ZNF432: variants seen among roughly 807,000 people sequenced by gnomAD.
ZNF432 encodes the protein zinc finger protein 432.
Under a neutral mutation model 13.9 loss-of-function variants are expected in ZNF432, and 10 were observed. That is an observed-to-expected ratio of 0.72 (90% CI 0.44 to 1.22). The LOEUF is 1.22. Ranked by LOEUF, ZNF432 falls within the 50% of genes most tolerant of loss-of-function variation. ZNF432 has a pLI of 0.00. For missense variants in ZNF432, 793 were observed against 796.2 expected, an observed-to-expected ratio of 1.00 and a Z score of 0.05; for synonymous variants, 247 against 256.2, an observed-to-expected ratio of 0.96 and a Z score of 0.34.
intron 4 of ZNF432, among the ~76,000 whole-genome samples, chr19:52,037,006 A>G (rs989874294): frequency 6.6e-6 from 1 of 152,226 alleles, no homozygotes; most frequent in Admixed American, 6.5e-5. Context: ...AGAATGAAAG[A>G]TGAAGGTACA....
At chr19:52,043,518 G>GA in intron 2 of ZNF432, among the ~76,000 whole-genome samples, 1 of 152,050 alleles carries the variant, frequency 6.6e-6, no homozygotes, top group South Asian at 2.1e-4. Context: ...CGTGGGAAGG[G>GA]AAAGACCTGA....
At position 52,035,204 on chromosome 19, in the gene ZNF432, T is replaced by C. The variant is rs773778911; in HGVS notation, c.475A>G (p.Ser159Gly). The change falls in exon 5 of 5, where the codon AGT becomes GGT. Residue 159 changes from serine to glycine, a missense_variant. By Grantham distance (56) the Ser-to-Gly change is moderately conservative. Transcript: ENST00000221315. ...SCEINNSTKFSGDGKSFLHGN... is the reference protein window; with the variant it reads ...SCEINNSTKFGGDGKSFLHGN... ...TGAAGAAATGATTTCCCATCTCCAC[T>C]AAATTTAGTAGAGTTGTTAATTTCA... 1.2e-6 allele frequency: 2 copies of C among 1,611,692 alleles called. No homozygotes were observed. The highest frequency in any genetic ancestry group is 2.2e-5 in the South Asian group (2 of 90,132).
At chr19:52,040,814 A>G (rs775901302) in intron 3 of ZNF432, among the ~76,000 whole-genome samples, 2 of 152,116 alleles carry the variant, frequency 1.3e-5, no homozygotes, top group African/African-American at 2.4e-5. Context: ...AAATACAATA[A>G]TAAAAAAAAA....
chr19:52,043,051 A>T, intron 2 of ZNF432, among the ~76,000 whole-genome samples: 1 of 152,174 alleles, frequency 6.6e-6, no homozygotes, highest in Non-Finnish European at 1.5e-5. Context: ...TTGTCAACTA[A>T]ACTGCCACTC....
intron 4 of ZNF432, among the ~76,000 whole-genome samples, chr19:52,037,789 T>TAA (rs74391730): frequency 0.17 from 19,519 of 111,700 alleles, 1,776 homozygotes; most frequent in East Asian, 0.38. Flanking sequence ...GACTCTACCT[T>TAA]AAAAAAAAAA....
chr19:52,033,751 T>A lies in ZNF432; in HGVS notation c.1928A>T (p.His643Leu), dbSNP rs138563719. 4.4e-6 allele frequency: 7 copies of A among 1,602,162 alleles called. No individual in the cohort carries two copies. The highest frequency in any genetic ancestry group is 6.0e-6 in the Non-Finnish European group (7 of 1,175,492). Residue 643 changes from histidine to leucine, a missense_variant, in exon 5 of 5, where the codon CAT becomes CTT. Physicochemically the swap from His to Leu is moderately conservative, Grantham distance 99. Transcript: ENST00000221315. ...AFSSKRNLIV[H>L]QRTHNGNKP ...TTTGTTTCCATTATGAGTTCGCTGATGTACAATGAGATTTCTCTTTGAGGA... is the reference window on the plus strand; with the variant it reads ...TTTGTTTCCATTATGAGTTCGCTGAAGTACAATGAGATTTCTCTTTGAGGA...
At chr19:52,048,403 G>A (rs1883592479) in intron 1 of ZNF432, 1 of 152,192 alleles carries the variant, frequency 6.6e-6, no homozygotes, top group Non-Finnish European at 1.5e-5. Flanking sequence ...CAATCACTGA[G>A]CCCCACTGGG....
chr19:52,048,169 A>ACACACACG (rs1568525349), intron 1 of ZNF432, among the ~76,000 whole-genome samples: 9 of 150,354 alleles, frequency 6.0e-5, no homozygotes, highest in Non-Finnish European at 1.5e-5. Context: ...ACACACACAC[A>ACACACACG]CACACACACA....
chr19:52,040,873 G>C (rs2087128974), intron 3 of ZNF432, among the ~76,000 whole-genome samples: 1 of 151,436 alleles, frequency 6.6e-6, no homozygotes, highest in Non-Finnish European at 1.5e-5. Flanking sequence ...ATGGGAGGCT[G>C]ACATGAAACC....
At chr19:52,042,797 C>G (rs2087147950) in intron 2 of ZNF432, among the ~76,000 whole-genome samples, 1 of 152,146 alleles carries the variant, frequency 6.6e-6, no homozygotes, top group East Asian at 1.9e-4. Flanking sequence ...CATCTAGACA[C>G]ATCAGACTGA....
At position 52,033,790 on chromosome 19, in the gene ZNF432, C is replaced by T. The variant is rs1266101433; in HGVS notation, c.1889G>A (p.Cys630Tyr). Reference sequence around the variant, plus strand: ...TCTCTTTGAGGAGAAGGCTTTTCTACATTCACTGCATACAAAGGGTTTCTC... The same window carrying T: ...TCTCTTTGAGGAGAAGGCTTTTCTATATTCACTGCATACAAAGGGTTTCTC... ...TGEKPFVCSE[C>Y]RKAFSSKRNL... Residue 630 changes from cysteine (C) to tyrosine (Y), a missense_variant, in exon 5 of 5, where the codon TGT becomes TAT. Transcript: ENST00000221315. 6.2e-7 allele frequency: 1 copy of T among 1,610,270 alleles called. No homozygotes were observed.
At chr19:52,037,876 T>C (rs763775911) in intron 4 of ZNF432, among the ~76,000 whole-genome samples, 3 of 151,416 alleles carry the variant, frequency 2.0e-5, no homozygotes, top group Non-Finnish European at 2.9e-5. Flanking sequence ...ACCAATAACA[T>C]CTACTTCAGT....
chr19:52,046,813 A>G, intron 2 of ZNF432, 41 bp downstream of exon 2: 1 of 1,600,934 alleles, frequency 6.2e-7, no homozygotes, highest in Non-Finnish European at 8.5e-7. Flanking sequence ...CTACAAATCC[A>G]CTATGGAATA....
Position 52,046,956 on chromosome 19 carries a change from C to A in ZNF432, c.-88G>T. On this transcript the variant is annotated 5_prime_UTR_variant, in exon 2 of 5. Transcript: ENST00000221315. ...GCCTTAAATTTCTATTTAGAAACTT[C>A]AGTCACCAGTGAAGGGTGTCCACAG... is the stretch of plus-strand genomic sequence containing the variant. The A allele has an allele frequency of 7.1e-7, 1 of 1,417,854 alleles. No homozygotes were observed. 87.8% of individuals were successfully genotyped at this position (1,417,854 alleles called of 1,614,324 possible).
chr19:52,034,874 C>G lies in ZNF432; in HGVS notation c.805G>C (p.Val269Leu). The part of the protein sequence containing the change: ...KSFICSECGK[V>L]FTMKSRLIEH... ...ATCAGACGGCTCTTCATAGTGAAGA[C>G]TTTTCCACATTCACTGCATATAAAA... Residue 269 changes from valine to leucine, a missense_variant, in exon 5 of 5, where the codon GTC (valine) becomes CTC (leucine). Coordinates refer to ENST00000221315, the MANE Select transcript of ZNF432 (RefSeq NM_014650.4). 6.2e-7 allele frequency: 1 copy of G among 1,613,978 alleles called. No individual in the cohort carries two copies. Among genetic ancestry groups the G allele is most frequent in the Non-Finnish European group, 8.5e-7 (1 of 1,179,944 alleles).
At chr19:52,043,221 A>C (rs1055918561) in intron 2 of ZNF432, among the ~76,000 whole-genome samples, 4 of 152,204 alleles carry the variant, frequency 2.6e-5, no homozygotes, top group East Asian at 3.9e-4. Context: ...TGTACTAAGA[A>C]AAATTCTTCT....
chr19:52,045,546 C>T lies in ZNF432; in HGVS notation c.15+1308G>A, dbSNP rs141750311. Among the ~76,000 whole-genome samples, 598 of 150,926 alleles carry T rather than the reference C, an allele frequency of 4.0e-3. 1 individual carries two copies. The highest frequency in any genetic ancestry group is 5.3e-3 in the Non-Finnish European group (356 of 67,618). On this transcript the variant is annotated intron_variant, in intron 2 of 4. Coordinates refer to ENST00000221315, the MANE Select transcript of ZNF432 (RefSeq NM_014650.4). Reference sequence around the variant, plus strand: ...TAATTTTGTGTTTTTAGTAGAGATACGGTTTCTCCATGTTGGTCAGGCTGG... The same window carrying T: ...TAATTTTGTGTTTTTAGTAGAGATATGGTTTCTCCATGTTGGTCAGGCTGG...
intron 4 of ZNF432, among the ~76,000 whole-genome samples, chr19:52,038,779 C>T (rs2087107689): frequency 6.6e-6 from 1 of 152,196 alleles, no homozygotes; most frequent in Admixed American, 6.5e-5. Flanking sequence ...TAGCTCTAAC[C>T]TCATCCAAAC....
chr19:52,044,845 T>C (rs529517414), intron 2 of ZNF432, among the ~76,000 whole-genome samples: 55 of 152,362 alleles, frequency 3.6e-4, no homozygotes, highest in African/African-American at 1.3e-3. Context: ...TGGAATTTTA[T>C]ACAGTCAATA....
Sources: allele counts gnomAD v4.1 joint callset (sites outside exome capture counted in the v4.1 genomes callset), GRCh38; gene constraint gnomAD v4.1.1; transcripts MANE v1.5; gene names NCBI Gene and HGNC (gene_info 2026-07-23, HGNC 2026-07-21).